Variants in MEIOB observed in about 807,000 individuals in gnomAD.
MEIOB encodes meiosis-specific with OB domain-containing protein.
Under a neutral mutation model 53.1 loss-of-function variants are expected in MEIOB, and 50 were observed. The ratio of observed to expected loss-of-function variants is 0.94; its 90% CI spans 0.75 to 1.19. The LOEUF is 1.19. Among genes scored for constraint, MEIOB ranks in the 50% most tolerant of loss-of-function variants. MEIOB has a pLI of 0.00. For missense variants in MEIOB, 551 were observed against 550.8 expected (o/e 1.00, Z 0.00); for synonymous variants, 192 against 182.5 (o/e 1.05, Z -0.42).
Position 1,839,268 on chromosome 16 carries a change from G to C in MEIOB, c.1205C>G (p.Thr402Ser), listed in dbSNP as rs765002919. ...TTTGCTATTTACCGTGCAGCCCAAAGTCTCCTCAGCAACACTTCCTGTGAG... is the reference window on the plus strand; with the variant it reads ...TTTGCTATTTACCGTGCAGCCCAAACTCTCCTCAGCAACACTTCCTGTGAG... ...CSLTGSVAEE[T>S]LGCTVHEFLA... The change falls in exon 12 of 14, where the codon ACT (threonine) becomes AGT (serine). Residue 402 changes from threonine (T) to serine (S), a missense_variant. Coordinates refer to ENST00000325962, the MANE Select transcript of MEIOB (RefSeq NM_001163560.3). The C allele has an allele frequency of 8.7e-6, 14 of 1,606,974 alleles. No individual in the cohort carries two copies. The highest frequency in any genetic ancestry group is 1.2e-5 in the Non-Finnish European group (14 of 1,177,150).
chr16:1,865,240 T>C (rs1456459859), intron 3 of MEIOB, among the ~76,000 whole-genome samples: 1 of 152,134 alleles, frequency 6.6e-6, no homozygotes, highest in Non-Finnish European at 1.5e-5. Flanking sequence ...AAGACCAGCC[T>C]GGCCAAAATG....
intron 9 of MEIOB, among the ~76,000 whole-genome samples, chr16:1,849,718 G>A (rs1174487257): frequency 6.6e-6 from 1 of 152,098 alleles, no homozygotes; most frequent in African/African-American, 2.4e-5. Context: ...GCATTCTCGC[G>A]AGTATTCTCC....
At chr16:1,861,329 T>G (rs971755366) in intron 4 of MEIOB, among the ~76,000 whole-genome samples, 2 of 152,302 alleles carry the variant, frequency 1.3e-5, no homozygotes, top group African/African-American at 4.8e-5. Context: ...TATCAAAATC[T>G]ATTCAGTGGT....
Position 1,841,843 on chromosome 16 carries a change from A to G in MEIOB, c.1011T>C (p.Thr337=). The change falls in exon 11 of 14, where the codon ACT becomes ACC. Residue 337 remains threonine (T), a synonymous_variant. Coordinates refer to ENST00000325962, the MANE Select transcript of MEIOB (RefSeq NM_001163560.3). The part of the protein sequence containing the change: ...YISTLNIDDE[T]TKVVRNRCSS... ...ACCATCTATTTCGAACTACTTTTGT[A>G]GTTTCATCATCAATGTTGAGTGTGG... 1 of 1,587,054 alleles carries G rather than the reference A, an allele frequency of 6.3e-7. No homozygotes were observed. Among genetic ancestry groups the G allele is most frequent in the Non-Finnish European group, 8.6e-7 (1 of 1,168,554 alleles).
At chr16:1,844,625 C>A (rs1403142213) in intron 10 of MEIOB, among the ~76,000 whole-genome samples, 1 of 150,842 alleles carries the variant, frequency 6.6e-6, no homozygotes, top group Non-Finnish European at 1.5e-5. Context: ...TGATACCTGG[C>A]TAATTTTTGT....
At position 1,868,707 on chromosome 16, in the gene MEIOB, T is replaced by C. The variant is rs559279550; in HGVS notation, c.-9-523A>G. Among the ~76,000 whole-genome samples, 470 of 150,580 alleles carry C rather than the reference T, an allele frequency of 3.1e-3. 3 individuals are homozygous for C. The highest frequency in any genetic ancestry group is 0.018 in the Middle Eastern group (5 of 280). ...CGTCTCTACTAAAAATACAAAAAAT[T>C]AGCTGGGCTTGGTGGCAGGCACCTG... On this transcript the variant is annotated intron_variant, in intron 1 of 13. Transcript: ENST00000325962.
intron 11 of MEIOB, 83 bp from the exon 12 acceptor site, chr16:1,839,521 A>G (rs1898842417): frequency 1.6e-6 from 2 of 1,284,090 alleles, no homozygotes; most frequent in South Asian, 2.9e-5. Context: ...TTGTCACTAA[A>G]AACTCTACGA....
At chr16:1,861,358 A>G (rs949152545) in intron 4 of MEIOB, among the ~76,000 whole-genome samples, 1 of 152,154 alleles carries the variant, frequency 6.6e-6, no homozygotes, top group Non-Finnish European at 1.5e-5. Flanking sequence ...AACTTTTATC[A>G]AAATATATTC....
At chr16:1,848,043 G>A (rs1899067413) in intron 9 of MEIOB, among the ~76,000 whole-genome samples, 1 of 152,046 alleles carries the variant, frequency 6.6e-6, no homozygotes, top group African/African-American at 2.4e-5. Flanking sequence ...TACCTCCAGG[G>A]TTCAAGCGGT....
At chr16:1,857,961 G>A (rs1596979465) in intron 5 of MEIOB, 31 bp from the exon 6 acceptor site, 1 of 1,390,594 alleles carries the variant, frequency 7.2e-7, no homozygotes, top group East Asian at 2.5e-5. Context: ...AAAGTTATTT[G>A]AAAGTGATCT....
chr16:1,866,730 AAATAAAAAAAAAAT>A (rs150843657), intron 2 of MEIOB, among the ~76,000 whole-genome samples: 125,393 of 147,130 alleles, frequency 0.85, 51,876 homozygotes, highest in Middle Eastern at 0.91. Flanking sequence ...CAAAAAATAA[AAATAAAAAAAAAAT>A]AATAAAAAAT....
intron 1 of MEIOB, among the ~76,000 whole-genome samples, chr16:1,868,772 G>A (rs924154120): frequency 6.6e-6 from 1 of 150,766 alleles, no homozygotes; most frequent in Non-Finnish European, 1.5e-5. Flanking sequence ...GGAGAATGGC[G>A]TGAACCCGGG....
At chr16:1,864,945 T>A (rs1004306824) in intron 3 of MEIOB, among the ~76,000 whole-genome samples, 44 of 152,160 alleles carry the variant, frequency 2.9e-4, no homozygotes, top group African/African-American at 1.0e-3. Context: ...TTAGTTAAGA[T>A]GAAATAAAGT....
chr16:1,836,563 G>A (rs770032120), intron 13 of MEIOB, among the ~76,000 whole-genome samples: 14 of 147,360 alleles, frequency 9.5e-5, no homozygotes, highest in Non-Finnish European at 2.2e-4. Flanking sequence ...TACTGCCTTT[G>A]GCCTGGTAGT....
rs1006013339 is a variant in MEIOB, at chr16:1,860,328, G to A, written c.332+75C>T. On this transcript the variant is annotated intron_variant, in intron 5 of 13. Coordinates refer to ENST00000325962, the MANE Select transcript of MEIOB (RefSeq NM_001163560.3). ...AATAGAAACAGAACACTTTTAGTAA[G>A]ATCTCTGCTAATCTGATACAACATT... 9.0e-6 allele frequency: 7 copies of A among 774,432 alleles called. No individual in the cohort carries two copies. In the African/African-American group the frequency reaches 1.2e-4, roughly 14 times the overall value. The allele number at this position is 774,432 out of a possible 1,614,324, so 48.0% of individuals were successfully genotyped here.
chr16:1,835,349 A>G (rs907324838), intron 13 of MEIOB, among the ~76,000 whole-genome samples: 1 of 152,126 alleles, frequency 6.6e-6, no homozygotes, highest in Admixed American at 6.5e-5. Context: ...TGTAGCAGGG[A>G]CTCAATCTGT....
At chr16:1,844,275 A>AC (rs1340833697) in intron 10 of MEIOB, among the ~76,000 whole-genome samples, 4 of 151,138 alleles carry the variant, frequency 2.6e-5, no homozygotes, top group Non-Finnish European at 5.9e-5. Context: ...GGTGCCCCCT[A>AC]CCATGCCTGG....
At position 1,857,917 on chromosome 16, in the gene MEIOB, A is replaced by G; in HGVS notation, c.346T>C (p.Leu116=). 2.0e-6 allele frequency: 3 copies of G among 1,521,848 alleles called. No homozygotes were observed. Among genetic ancestry groups the G allele is most frequent in the Non-Finnish European group, 2.7e-6 (3 of 1,131,672 alleles). 94.3% of individuals were successfully genotyped at this position (1,521,848 alleles called of 1,614,324 possible). Reference sequence around the variant, plus strand: ...ACTGTTGAGTGATTCTCACTGAGCAACAGTTTACAGTTGCTAAATTGCAAA... The same window carrying G: ...ACTGTTGAGTGATTCTCACTGAGCAGCAGTTTACAGTTGCTAAATTGCAAA... The part of the protein sequence containing the change: ...SPATPSNCKL[L]LSENHSTVKV... The change falls in exon 6 of 14, where the codon TTG becomes CTG. Residue 116 remains leucine, a synonymous_variant. Coordinates refer to ENST00000325962, the MANE Select transcript of MEIOB (RefSeq NM_001163560.3).
intron 6 of MEIOB, among the ~76,000 whole-genome samples, chr16:1,856,152 G>A (rs577859755): frequency 0.036 from 4,158 of 115,832 alleles, 95 homozygotes; most frequent in Non-Finnish European, 0.051. Context: ...CTGCCACCAT[G>A]CCCAGCTAAT....
Sources: gnomAD v4.1 joint callset for allele counts (sites outside exome capture counted in the v4.1 genomes callset) on GRCh38, gnomAD v4.1.1 for gene constraint, MANE v1.5 for transcripts, NCBI Gene and HGNC (gene_info 2026-07-23, HGNC 2026-07-21) for gene names.